Variants in CCDC102A observed in about 807,000 individuals in gnomAD.
CCDC102A encodes coiled-coil domain-containing protein 102A.
A neutral mutation model predicts 55.5 loss-of-function variants in CCDC102A; 40 were observed. That is an observed-to-expected ratio of 0.72 (90% CI 0.56 to 0.94). CCDC102A has a LOEUF of 0.94. Ranked by LOEUF, CCDC102A falls within the 40% of genes least tolerant of loss-of-function variation. The probability of loss-of-function intolerance (pLI) is 0.00; values close to 1 mark genes in which losing one functional copy is unlikely to be tolerated. For missense variants in CCDC102A, 779 were observed against 768.6 expected (o/e 1.01, Z -0.16); for synonymous variants, 323 against 339.0 (o/e 0.95, Z 0.52).
At position 57,524,575 on chromosome 16, in the gene CCDC102A, T is replaced by TAAAA. The variant is rs755245537; in HGVS notation, c.812+1322_812+1325dup. 7.3e-3 allele frequency among the ~76,000 whole-genome samples: 1,088 copies of TAAAA among 148,232 alleles called. 17 individuals are homozygous for TAAAA. Among genetic ancestry groups the TAAAA allele is most frequent in the African/African-American group, 0.022 (905 of 40,762 alleles). On this transcript the variant is annotated intron_variant, in intron 3 of 8. Transcript: ENST00000258214. ...CTGGCTGACAGAGTGAGGCTCTGTC[T>TAAAA]AAAAAAAATATATATATATATAGAG...
At chr16:57,530,114 T>A (rs1321248553) in intron 1 of CCDC102A, among the ~76,000 whole-genome samples, 1 of 152,072 alleles carries the variant, frequency 6.6e-6, no homozygotes, top group Admixed American at 6.5e-5. Flanking sequence ...AACAAACCAG[T>A]CCTCAGATGG....
chr16:57,516,445 GC>G lies in CCDC102A; in HGVS notation c.1266del (p.Lys422AsnfsTer7). 1.2e-6 allele frequency: 2 copies of G among 1,608,048 alleles called. No homozygotes were observed. Among genetic ancestry groups the G allele is most frequent in the Non-Finnish European group, 1.7e-6 (2 of 1,179,928 alleles). The stretch of plus-strand genomic sequence containing the variant: ...TGCTTCTTCAGCTTGCCATGCACAT[GC>G]TTCAGGTCTGCCAGCTCCTACAGGG... ...FEKNKELADLKHVHGKLKKQF... is the reference protein window; with the variant it reads ...FEKNKELADLXHVHGKLKKQF... On this transcript the variant is annotated frameshift_variant, in exon 7 of 9. Transcript: ENST00000258214. LOFTEE classifies it high-confidence loss of function. The surrounding 1 kb of genome is among the most constrained non-coding windows in gnomAD (Gnocchi z 4.4).
Position 57,516,508 on chromosome 16 carries a change from T to G in CCDC102A, c.1249-45A>C, listed in dbSNP as rs1461133173. Reference sequence around the variant, plus strand: ...GGTGGGAGGGAGGAGGGAATCAGTATCAGCTTGGGCGCCATGCCAGGGAGT... The same window carrying G: ...GGTGGGAGGGAGGAGGGAATCAGTAGCAGCTTGGGCGCCATGCCAGGGAGT... On this transcript the variant is annotated intron_variant, in intron 6 of 8. Coordinates refer to ENST00000258214, the MANE Select transcript of CCDC102A (RefSeq NM_033212.4). The surrounding 1 kb of genome is among the most constrained non-coding windows in gnomAD (Gnocchi z 4.4). 1.3e-6 allele frequency: 2 copies of G among 1,568,264 alleles called. No homozygotes were observed. The highest frequency in any genetic ancestry group is 4.5e-5 in the East Asian group (2 of 44,538).
rs985972422 is a variant in CCDC102A, at chr16:57,515,464, C to T, written c.1420-20G>A. 3.3e-6 allele frequency: 5 copies of T among 1,538,266 alleles called. No homozygotes were observed. The highest frequency in any genetic ancestry group is 1.8e-5 in the Admixed American group (1 of 55,524). ...GTCCAGCTGTGGGGGTGAGCAGGGC[C>T]GAAAGCACGAGGGTCACCCAGGGCT... On this transcript the variant is annotated intron_variant, in intron 7 of 8. Transcript: ENST00000258214.
intron 1 of CCDC102A, among the ~76,000 whole-genome samples, chr16:57,535,233 T>TG (rs2032348589): frequency 6.6e-6 from 1 of 152,110 alleles, no homozygotes; most frequent in Non-Finnish European, 1.5e-5. Flanking sequence ...GCAGGACCTC[T>TG]GGGGGGAGCT....
chr16:57,525,038 T>C (rs1422354552), intron 3 of CCDC102A, among the ~76,000 whole-genome samples: 1 of 152,166 alleles, frequency 6.6e-6, no homozygotes, highest in Non-Finnish European at 1.5e-5. Flanking sequence ...CAGTTCCCTA[T>C]CCACACTCAT....
intron 3 of CCDC102A, among the ~76,000 whole-genome samples, chr16:57,525,224 T>C (rs2032118074): frequency 6.6e-6 from 1 of 152,110 alleles, no homozygotes; most frequent in Admixed American, 6.5e-5. Flanking sequence ...GCCTCCTGAG[T>C]AGCTGGGATT....
At chr16:57,519,321 C>T (rs1038968023) in intron 4 of CCDC102A, among the ~76,000 whole-genome samples, 2 of 152,208 alleles carry the variant, frequency 1.3e-5, no homozygotes, top group African/African-American at 4.8e-5. Context: ...TTAGGAATGC[C>T]TCTTCTGCCC....
intron 3 of CCDC102A, among the ~76,000 whole-genome samples, chr16:57,525,660 C>T (rs942132332): frequency 2.0e-5 from 3 of 152,158 alleles, no homozygotes; most frequent in Admixed American, 6.5e-5. Flanking sequence ...GTCTTATTTA[C>T]GGCTGTATCC....
intron 6 of CCDC102A, among the ~76,000 whole-genome samples, 166 bp downstream of exon 6, chr16:57,517,902 T>G (rs1218706877): frequency 2.0e-5 from 3 of 152,262 alleles, no homozygotes; most frequent in Non-Finnish European, 2.9e-5. Flanking sequence ...TAGTAAGTGC[T>G]CAATGAATGC....
rs761275903 is a variant in CCDC102A at position 57,518,181 on chromosome 16, G to A, written c.1135C>T (p.Arg379Trp). Residue 379 changes from arginine (R) to tryptophan (W), a missense_variant, in exon 6 of 9, where the codon CGG becomes TGG. Physicochemically the swap from Arg to Trp is moderately radical, Grantham distance 101. Coordinates refer to ENST00000258214, the MANE Select transcript of CCDC102A (RefSeq NM_033212.4). ...TCCTCCAGGTCTCCGACCTGTGCCC[G>A]CAGCTTCTTGTTCTCCCGCTCAAGG... ...LGLERENKKLRAQVGDLEEAL... is the reference protein window; with the variant it reads ...LGLERENKKLWAQVGDLEEAL... The A allele has an allele frequency of 9.9e-6, 16 of 1,612,500 alleles. No homozygotes were observed. The East Asian group carries it at 1.6e-4, about 16-fold the overall frequency.
intron 2 of CCDC102A, among the ~76,000 whole-genome samples, chr16:57,527,202 T>TGTCCAGG (rs1193363707): frequency 6.6e-6 from 1 of 152,198 alleles, no homozygotes; most frequent in Non-Finnish European, 1.5e-5. Context: ...GGAGTTGGCC[T>TGTCCAGG]GTCCAGGGAC....
chr16:57,532,224 C>T (rs2032279905), intron 1 of CCDC102A, among the ~76,000 whole-genome samples: 1 of 152,184 alleles, frequency 6.6e-6, no homozygotes, highest in South Asian at 2.1e-4. Context: ...TTGGAATTTG[C>T]ATTTTAATAG....
intron 1 of CCDC102A, among the ~76,000 whole-genome samples, chr16:57,532,928 G>C (rs184329519): frequency 6.6e-6 from 1 of 152,204 alleles, no homozygotes; most frequent in African/African-American, 2.4e-5. Context: ...TGCAGCCGCT[G>C]AACTAGGAGC....
At chr16:57,517,273 A>ACTT (rs1213452591) in intron 6 of CCDC102A, among the ~76,000 whole-genome samples, 2 of 151,924 alleles carry the variant, frequency 1.3e-5, no homozygotes, top group East Asian at 3.9e-4. Context: ...GTTATTCCTA[A>ACTT]CTTCTCTCCA....
Position 57,516,529 on chromosome 16 carries a change from G to T in CCDC102A, c.1249-66C>A. 1 of 1,405,570 alleles carries T rather than the reference G, an allele frequency of 7.1e-7. No individual in the cohort carries two copies. Among genetic ancestry groups the T allele is most frequent in the South Asian group, 1.2e-5 (1 of 83,878 alleles). 87.1% of individuals were successfully genotyped at this position (1,405,570 alleles called of 1,614,324 possible). ...AGTATCAGCTTGGGCGCCATGCCAGGGAGTCCCACGAGGTCAGGCAGTTCT... is the reference window on the plus strand; with the variant it reads ...AGTATCAGCTTGGGCGCCATGCCAGTGAGTCCCACGAGGTCAGGCAGTTCT... On this transcript the variant is annotated intron_variant, in intron 6 of 8. Transcript: ENST00000258214. The surrounding 1 kb of genome is among the most constrained non-coding windows in gnomAD (Gnocchi z 4.4).
At chr16:57,522,500 C>T (rs2032068936) in intron 3 of CCDC102A, among the ~76,000 whole-genome samples, 1 of 152,198 alleles carries the variant, frequency 6.6e-6, no homozygotes, top group African/African-American at 2.4e-5. Context: ...GCGATCCTGC[C>T]ACCTCGAGCT....
intron 1 of CCDC102A, among the ~76,000 whole-genome samples, chr16:57,536,252 T>A (rs1260376085): frequency 7.4e-6 from 1 of 135,460 alleles, no homozygotes; most frequent in Non-Finnish European, 1.6e-5. Flanking sequence ...CGGAGGCGCC[T>A]CCCCTCCCCC....
In CCDC102A at chr16:57,520,944, A is replaced by T; in HGVS notation, c.921+124T>A. On this transcript the variant is annotated intron_variant, in intron 4 of 8. Transcript: ENST00000258214. ...GACAGAGCAAGACTCTGTCTCAAAA[A>T]AAAAAAAAAAAGAACAACTGTTGGA... 5 of 691,110 alleles carry T rather than the reference A, an allele frequency of 7.2e-6. No individual in the cohort carries two copies. The South Asian group carries it at 9.3e-5, about 13-fold the overall frequency. 42.8% of individuals were successfully genotyped at this position (691,110 alleles called of 1,614,324 possible). A position where few individuals can be genotyped will look rare whatever the true frequency, so the allele number is the denominator to read the frequency against.
Sources: gnomAD v4.1 joint callset for allele counts (sites outside exome capture counted in the v4.1 genomes callset) on GRCh38, gnomAD v4.1.1 for gene constraint, Gnocchi (gnomAD v3.1) non-coding constraint, MANE v1.5 for transcripts, NCBI Gene and HGNC (gene_info 2026-07-23, HGNC 2026-07-21) for gene names.